Variants in PRKAR1A observed in about 807,000 individuals in gnomAD.
PRKAR1A encodes protein kinase cAMP-dependent type I regulatory subunit alpha, also known as cAMP-dependent protein kinase type I-alpha regulatory subunit.
PRKAR1A carries 3 observed loss-of-function variants against 52.0 expected under a neutral mutation model. The ratio of observed to expected loss-of-function variants is 0.06; its 90% CI spans 0.03 to 0.15. The LOEUF (loss-of-function observed/expected upper bound fraction) is 0.15, where lower values mean the gene tolerates loss of function less well. Ranked by LOEUF, PRKAR1A falls within the 10% of genes least tolerant of loss-of-function variation. PRKAR1A has a pLI of 1.00. For synonymous variants in PRKAR1A, 188 were observed against 168.4 expected (o/e 1.12, Z -0.90); for missense variants, 240 against 477.4 (o/e 0.50, Z 4.63).
At chr17:68,465,661 G>GTTT in the PRKAR1A span, among the ~76,000 whole-genome samples, 2 of 52,308 alleles carry the variant, frequency 3.8e-5, no homozygotes, top group East Asian at 3.3e-4. Context: ...TAGAGACGGG[G>GTTT]TTTCACCATG....
At chr17:68,535,539 A>T (rs1481804426), downstream of PRKAR1A, 1 of 454,092 alleles carries the variant, frequency 2.2e-6, no homozygotes. Context: ...CTTCATCCAC[A>T]GGGAAGAAAC....
chr17:68,539,758 C>T (rs897370435), intron 11 of PRKAR1A: 15 of 855,706 alleles, frequency 1.8e-5, no homozygotes, highest in African/African-American at 5.0e-5. Context: ...AAGCCGGGCT[C>T]GAAGGAGACA....
At chr17:68,459,613 C>T in the PRKAR1A span, among the ~76,000 whole-genome samples, 1 of 152,072 alleles carries the variant, frequency 6.6e-6, no homozygotes, top group African/African-American at 2.4e-5. Context: ...AAAACAAGGC[C>T]AGAAAATTAG....
At chr17:68,445,439 ACT>A in the PRKAR1A span, among the ~76,000 whole-genome samples, 822 of 151,694 alleles carry the variant, frequency 5.4e-3, 28 homozygotes, top group East Asian at 0.097. Flanking sequence ...TTCTACTCAG[ACT>A]CTCCTCCAGG....
the PRKAR1A span, among the ~76,000 whole-genome samples, chr17:68,478,658 G>A: frequency 2.0e-5 from 3 of 151,320 alleles, no homozygotes; most frequent in Non-Finnish European, 4.4e-5. Context: ...TATATTCAAT[G>A]TTCAGAACTT....
intron 11 of PRKAR1A, among the ~76,000 whole-genome samples, chr17:68,543,455 T>G (rs1009697523): frequency 6.6e-6 from 1 of 152,112 alleles, no homozygotes; most frequent in Admixed American, 6.5e-5. Flanking sequence ...TTTTTCAATC[T>G]GGGGGGTTGC....
Position 68,531,624 on chromosome 17 carries a change from C to T in PRKAR1A, c.*1175C>T. ...GGGTTGATGGTAGGGTATAATGTGTCTGTGTTGCTTCAAATTGGTCTGAAA... is the reference window on the plus strand; with the variant it reads ...GGGTTGATGGTAGGGTATAATGTGTTTGTGTTGCTTCAAATTGGTCTGAAA... On this transcript the variant is annotated 3_prime_UTR_variant, in exon 11 of 11. Transcript: ENST00000589228. 1 of 1,066,280 alleles carries T rather than the reference C, an allele frequency of 9.4e-7. No individual in the cohort carries two copies. The highest frequency in any genetic ancestry group is 1.1e-6 in the Non-Finnish European group (1 of 879,634). 66.1% of individuals were successfully genotyped at this position (1,066,280 alleles called of 1,614,324 possible). A position where few individuals can be genotyped will look rare whatever the true frequency, so the allele number is the denominator to read the frequency against.
chr17:68,495,487 T>A, the PRKAR1A span, among the ~76,000 whole-genome samples: 1 of 152,192 alleles, frequency 6.6e-6, no homozygotes, highest in Non-Finnish European at 1.5e-5. Flanking sequence ...CACCACCAGC[T>A]CCTCCATCTC....
chr17:68,467,461 T>A, the PRKAR1A span, among the ~76,000 whole-genome samples: 1 of 152,244 alleles, frequency 6.6e-6, no homozygotes. Context: ...TCCGAATTAC[T>A]ATAGCCATCC....
rs1224297486 is a variant in PRKAR1A, at chr17:68,515,421, G to A, written c.22G>A (p.Ala8Thr). Residue 8 changes from alanine to threonine, a missense_variant, in exon 2 of 11, where the codon GCC (alanine) becomes ACC (threonine). Coordinates refer to ENST00000589228, the MANE Select transcript of PRKAR1A (RefSeq NM_002734.5). Reference sequence around the variant, plus strand: ...AACCATGGAGTCTGGCAGTACCGCCGCCAGTGAGGAGGCACGCAGCCTTCG... The same window carrying A: ...AACCATGGAGTCTGGCAGTACCGCCACCAGTGAGGAGGCACGCAGCCTTCG... MESGSTA[A>T]SEEARSLREC... 8.7e-6 allele frequency: 14 copies of A among 1,613,248 alleles called. No individual in the cohort carries two copies. The highest frequency in any genetic ancestry group is 2.2e-5 in the East Asian group (1 of 44,898).
chr17:68,540,092 G>T, intron 11 of PRKAR1A: 1 of 780,682 alleles, frequency 1.3e-6, no homozygotes, highest in Non-Finnish European at 2.2e-6. Flanking sequence ...ACGAAGCTGG[G>T]CCTCACACTG....
At chr17:68,494,490 A>C in the PRKAR1A span, among the ~76,000 whole-genome samples, 4 of 152,212 alleles carry the variant, frequency 2.6e-5, no homozygotes, top group African/African-American at 9.6e-5. Context: ...TGCAATGAGC[A>C]AGATGGCACT....
chr17:68,540,625 C>A (rs1323913709), intron 11 of PRKAR1A: 5 of 644,184 alleles, frequency 7.8e-6, no homozygotes, highest in Non-Finnish European at 1.4e-5. Context: ...GGGTGAGATG[C>A]CTGCCTTATG....
chr17:68,483,373 C>T, the PRKAR1A span, among the ~76,000 whole-genome samples: 1 of 152,086 alleles, frequency 6.6e-6, no homozygotes, highest in Non-Finnish European at 1.5e-5. Context: ...CCCAGTTACT[C>T]AGGAGGCTGA....
chr17:68,423,764 C>T, the PRKAR1A span, among the ~76,000 whole-genome samples: 3 of 152,150 alleles, frequency 2.0e-5, no homozygotes, highest in Non-Finnish European at 4.4e-5. This position sits in a 1 kb window ranked among gnomAD's most constrained non-coding sequence, Gnocchi z 4.4. Context: ...ATGATCTGCA[C>T]AAGGTACCTA....
the PRKAR1A span, chr17:68,436,534 G>T: frequency 6.6e-7 from 1 of 1,519,974 alleles, no homozygotes; most frequent in South Asian, 1.1e-5. Flanking sequence ...GAGATTGCAC[G>T]GCTGGAGAGG....
the PRKAR1A span, among the ~76,000 whole-genome samples, chr17:68,492,261 G>C: frequency 3.3e-5 from 5 of 152,184 alleles, no homozygotes; most frequent in Non-Finnish European, 7.3e-5. Context: ...TCTTGGGAAA[G>C]AGCCGATCTT....
At chr17:68,477,319 G>T in the PRKAR1A span, among the ~76,000 whole-genome samples, 1 of 151,864 alleles carries the variant, frequency 6.6e-6, no homozygotes, top group East Asian at 1.9e-4. Flanking sequence ...TACATTTTCT[G>T]CCATTAATTC....
chr17:68,490,986 C>T, the PRKAR1A span, among the ~76,000 whole-genome samples: 1 of 152,166 alleles, frequency 6.6e-6, no homozygotes, highest in Admixed American at 6.5e-5. Flanking sequence ...CAGCCTTCAT[C>T]TCTGTCCTAT....
Sources: gnomAD v4.1 joint callset for allele counts (sites outside exome capture counted in the v4.1 genomes callset) on GRCh38, gnomAD v4.1.1 for gene constraint, Gnocchi (gnomAD v3.1) non-coding constraint, MANE v1.5 for transcripts, NCBI Gene and HGNC (gene_info 2026-07-23, HGNC 2026-07-21) for gene names.